The following SH3RF3 variants were observed in gnomAD, a reference collection of about 807,000 sequenced individuals.
The protein encoded by SH3RF3 is E3 ubiquitin-protein ligase SH3RF3.
A neutral mutation model predicts 66.3 loss-of-function variants in SH3RF3; 29 were observed. The ratio of observed to expected loss-of-function variants is 0.44; its 90% CI spans 0.33 to 0.60. The LOEUF (loss-of-function observed/expected upper bound fraction) is 0.60. SH3RF3 is among the 20% of genes least tolerant of loss of function. The probability of loss-of-function intolerance (pLI) is 0.04; values close to 1 mark genes in which losing one functional copy is unlikely to be tolerated. For missense variants in SH3RF3, 1,194 were observed against 1,190.9 expected, an observed-to-expected ratio of 1.00 and a Z score of -0.04; for synonymous variants, 583 against 532.0, an observed-to-expected ratio of 1.10 and a Z score of -1.32.
intron 1 of SH3RF3, among the ~76,000 whole-genome samples, chr2:109,286,416 A>G (rs558072625): frequency 1.3e-5 from 2 of 152,318 alleles, no homozygotes; most frequent in Non-Finnish European, 2.9e-5. Context: ...CCAGAGGGGC[A>G]AAGGGCATGG....
At chr2:109,462,575 A>G (rs890942913) in intron 8 of SH3RF3, among the ~76,000 whole-genome samples, 10 of 152,150 alleles carry the variant, frequency 6.6e-5, no homozygotes, top group Non-Finnish European at 4.4e-5. Flanking sequence ...TGGTGGCACT[A>G]ATCTCTGCAG....
Position 109,345,223 on chromosome 2 carries a change from A to G in SH3RF3, c.574-2451A>G, listed in dbSNP as rs149331904. Among the ~76,000 whole-genome samples, 57 of 152,192 alleles carry G rather than the reference A, an allele frequency of 3.7e-4. 2 individuals carry two copies. The South Asian group carries it at 8.7e-3, about 23-fold the overall frequency. On this transcript the variant is annotated intron_variant, in intron 1 of 9. Transcript: ENST00000309415. ...CCTAAGTTGGGGCCGCAGTTACACA[A>G]TGTGGGTGTGAGTGGTGTCTTCAGG...
chr2:109,336,845 A>G (rs1682434190), intron 1 of SH3RF3, among the ~76,000 whole-genome samples: 1 of 152,184 alleles, frequency 6.6e-6, no homozygotes, highest in Non-Finnish European at 1.5e-5. Flanking sequence ...TCCTGCTCCA[A>G]CCGTATCCGT....
At chr2:109,438,906 A>G (rs900442330) in intron 7 of SH3RF3, among the ~76,000 whole-genome samples, 21 of 152,090 alleles carry the variant, frequency 1.4e-4, no homozygotes, top group African/African-American at 3.6e-4. Flanking sequence ...ATCTCATCCA[A>G]TCAGCCCGGT....
In SH3RF3 at chr2:109,398,808, G is replaced by C. The variant is rs775419454; in HGVS notation, c.1164G>C (p.Thr388=). The change falls in exon 4 of 10, where the codon ACG becomes ACC. Residue 388 remains threonine (T), a synonymous_variant. Coordinates refer to ENST00000309415, the MANE Select transcript of SH3RF3 (RefSeq NM_001099289.3). ...ACTCCTTCACCGCGCTCAGTGTGAC[G>C]CACAGATCCTCCCAGGCTGCCAGCC... The part of the protein sequence containing the change: ...KRHSFTALSV[T]HRSSQAASHR... The C allele has an allele frequency of 3.1e-6, 5 of 1,613,694 alleles. No homozygotes were observed. The highest frequency in any genetic ancestry group is 4.2e-6 in the Non-Finnish European group (5 of 1,179,852).
chr2:109,433,293 C>T (rs1363350525), intron 6 of SH3RF3, among the ~76,000 whole-genome samples: 1 of 152,176 alleles, frequency 6.6e-6, no homozygotes, highest in African/African-American at 2.4e-5. Context: ...CAAAGGTCAA[C>T]GATTGTTGAG....
intron 8 of SH3RF3, among the ~76,000 whole-genome samples, chr2:109,463,356 G>A (rs2104693064): frequency 6.6e-6 from 1 of 152,304 alleles, no homozygotes; most frequent in East Asian, 1.9e-4. Context: ...GTAATTATGT[G>A]CCACCATGTG....
chr2:109,364,277 G>A (rs754537588), intron 2 of SH3RF3, among the ~76,000 whole-genome samples: 1 of 151,758 alleles, frequency 6.6e-6, no homozygotes, highest in African/African-American at 2.4e-5. Context: ...TAATAAGCAC[G>A]TCGAAGGCAT....
intron 3 of SH3RF3, among the ~76,000 whole-genome samples, chr2:109,386,223 C>T (rs114152420): frequency 0.03 from 4,644 of 152,292 alleles, 82 homozygotes; most frequent in East Asian, 0.051. Context: ...CCCAGGCTTC[C>T]GGCCTTCTCC....
rs542597095 is a variant in SH3RF3, at chr2:109,457,776, A to T, written c.2148+8287A>T. On this transcript the variant is annotated intron_variant, in intron 8 of 9. Transcript: ENST00000309415. ...TTTTTCCAGCCGTCCATGCCCAGAAAAACTCAGTGATGGCATTAGTTCAGA... is the reference window on the plus strand; with the variant it reads ...TTTTTCCAGCCGTCCATGCCCAGAATAACTCAGTGATGGCATTAGTTCAGA... 2.0e-5 allele frequency among the ~76,000 whole-genome samples: 3 copies of T among 152,326 alleles called. No homozygotes were observed. In the South Asian group the frequency reaches 6.2e-4, roughly 32 times the overall value.
At chr2:109,487,614 C>T (rs1679017472) in intron 8 of SH3RF3, among the ~76,000 whole-genome samples, 1 of 152,216 alleles carries the variant, frequency 6.6e-6, no homozygotes, top group African/African-American at 2.4e-5. Flanking sequence ...CCAAAGCAGA[C>T]AGCTAAGGTT....
At chr2:109,409,868 A>G (rs1431351269) in intron 4 of SH3RF3, among the ~76,000 whole-genome samples, 2 of 152,144 alleles carry the variant, frequency 1.3e-5, no homozygotes, top group Non-Finnish European at 2.9e-5. Flanking sequence ...GTAGCGAGTG[A>G]TGAATAATGC....
chr2:109,418,110 C>A (rs531416374), intron 4 of SH3RF3, among the ~76,000 whole-genome samples: 1 of 152,220 alleles, frequency 6.6e-6, no homozygotes, highest in African/African-American at 2.4e-5. Context: ...GCCTCTGCAC[C>A]CCACCAAACC....
chr2:109,189,832 C>T (rs775779926), intron 1 of SH3RF3, among the ~76,000 whole-genome samples: 20 of 152,136 alleles, frequency 1.3e-4, no homozygotes, highest in Admixed American at 2.0e-4. Flanking sequence ...GTTCTCAAGC[C>T]GACAGTGGCC....
intron 1 of SH3RF3, among the ~76,000 whole-genome samples, chr2:109,279,294 C>T (rs1680829437): frequency 6.6e-6 from 1 of 152,194 alleles, no homozygotes; most frequent in South Asian, 2.1e-4. Context: ...AGGTTAACTG[C>T]TGCAAAGGGA....
chr2:109,404,798 G>A (rs1676412860), intron 4 of SH3RF3, among the ~76,000 whole-genome samples: 1 of 152,134 alleles, frequency 6.6e-6, no homozygotes, highest in South Asian at 2.1e-4. Context: ...CACCCCTGCT[G>A]CTGAAGCTGA....
chr2:109,218,141 T>G (rs1679144052), intron 1 of SH3RF3, among the ~76,000 whole-genome samples: 1 of 131,040 alleles, frequency 7.6e-6, no homozygotes, highest in Admixed American at 7.9e-5. Flanking sequence ...TGTCCTCTCC[T>G]TTTCTGTTCT....
chr2:109,248,690 A>G (rs1679979188), intron 1 of SH3RF3, among the ~76,000 whole-genome samples: 1 of 151,888 alleles, frequency 6.6e-6, no homozygotes, highest in African/African-American at 2.4e-5. Context: ...GAAGTACTGC[A>G]TTTCTTTCCT....
chr2:109,412,757 G>A (rs1676628711), intron 4 of SH3RF3, among the ~76,000 whole-genome samples: 2 of 152,240 alleles, frequency 1.3e-5, no homozygotes, highest in African/African-American at 2.4e-5. Context: ...ATATTAAAGT[G>A]TAGATTAAAA....
Sources: allele counts gnomAD v4.1 joint callset (sites outside exome capture counted in the v4.1 genomes callset), GRCh38; gene constraint gnomAD v4.1.1; transcripts MANE v1.5; gene names NCBI Gene and HGNC (gene_info 2026-07-23, HGNC 2026-07-21).